Variants in CYP2R1 observed in about 807,000 individuals in gnomAD.
CYP2R1 encodes the protein cytochrome P450 family 2 subfamily R member 1, also known as vitamin D 25-hydroxylase.
A neutral mutation model predicts 45.7 loss-of-function variants in CYP2R1; 40 were observed. That is an observed-to-expected ratio of 0.87 (90% CI 0.68 to 1.14). CYP2R1 has a LOEUF of 1.14. Among genes scored for constraint, CYP2R1 ranks in the 50% most tolerant of loss-of-function variants. The pLI is 0.00. For synonymous variants in CYP2R1, 234 were observed against 219.3 expected, an observed-to-expected ratio of 1.07 and a Z score of -0.59; for missense variants, 605 against 602.6, an observed-to-expected ratio of 1.00 and a Z score of -0.04.
chr11:14,892,246 A>C (rs1555017524), upstream of CYP2R1: 1 of 1,570,574 alleles, frequency 6.4e-7, no homozygotes, highest in Non-Finnish European at 8.7e-7. Flanking sequence ...CAGCCCTGAG[A>C]CCCAGGCACT....
chr11:14,890,478 G>T, intron 1 of CYP2R1: 1 of 970,198 alleles, frequency 1.0e-6, no homozygotes. Flanking sequence ...AACTATTCGT[G>T]AACCATGAAA....
chr11:14,887,541 T>A, intron 1 of CYP2R1: 2 of 930,818 alleles, frequency 2.1e-6, no homozygotes, highest in Non-Finnish European at 2.6e-6. Flanking sequence ...ATATATTCTT[T>A]GATTTATTCA....
intron 1 of CYP2R1, 57 bp downstream of exon 1, chr11:14,891,924 T>TG (rs1848872734): frequency 6.3e-7 from 1 of 1,575,610 alleles, no homozygotes; most frequent in Admixed American, 1.8e-5. Context: ...AGGAAGGCCC[T>TG]GGCCAGCCCG....
Position 14,885,929 on chromosome 11 carries a change from G to A in CYP2R1, c.226-12C>T, listed in dbSNP as rs1848601149. ...TCTAAACTGAAGATCTTTGAGAAGA[G>A]AAGAAAAACAACATTTAAATGACAG... On this transcript the variant is annotated splice_polypyrimidine_tract_variant and intron_variant, in intron 1 of 4. Coordinates refer to ENST00000334636, the MANE Select transcript of CYP2R1 (RefSeq NM_024514.5). The A allele has an allele frequency of 1.9e-6, 3 of 1,612,242 alleles. No homozygotes were observed. The highest frequency in any genetic ancestry group is 2.5e-6 in the Non-Finnish European group (3 of 1,178,772).
chr11:14,884,497 A>G (rs1848528393), intron 2 of CYP2R1, among the ~76,000 whole-genome samples: 1 of 135,204 alleles, frequency 7.4e-6, no homozygotes, highest in African/African-American at 2.8e-5. Context: ...ACACATGGAC[A>G]CAGGAAGGGG....
In CYP2R1 at chr11:14,880,363, G is replaced by A. The variant is rs1555011620; in HGVS notation, c.773C>T (p.Ser258Phe). The A allele has an allele frequency of 1.9e-6, 3 of 1,613,252 alleles. No individual in the cohort carries two copies. The highest frequency in any genetic ancestry group is 2.7e-5 in the African/African-American group (2 of 74,876). ...GACTGAAGCTTTTTCAATGAGTCTG[G>A]AGAGAAAATCATAGACTACAGCTGC... ...RNAAVVYDFL[S>F]RLIEKASVNR... The change falls in exon 3 of 5, where the codon TCC becomes TTC. Residue 258 changes from serine (S) to phenylalanine (F), a missense_variant. Transcript: ENST00000334636.
chr11:14,891,331 G>A (rs1434922936), intron 1 of CYP2R1: 2 of 985,314 alleles, frequency 2.0e-6, no homozygotes, highest in South Asian at 4.7e-5. Flanking sequence ...TATCTGCTAA[G>A]GTGCCGTTCC....
At chr11:14,880,074 C>G in intron 3 of CYP2R1, 62 bp downstream of exon 3, 2 of 1,576,812 alleles carry the variant, frequency 1.3e-6, no homozygotes, top group East Asian at 4.5e-5. Flanking sequence ...GGCCAAGACT[C>G]AAAAACATGT....
intron 3 of CYP2R1, among the ~76,000 whole-genome samples, 168 bp downstream of exon 3, chr11:14,879,968 T>C (rs1848311630): frequency 6.6e-6 from 1 of 152,034 alleles, no homozygotes; most frequent in Admixed American, 6.6e-5. Context: ...TTACATGAAT[T>C]GAGATAATAG....
intron 4 of CYP2R1, among the ~76,000 whole-genome samples, chr11:14,878,543 C>T (rs550205093): frequency 2.0e-5 from 3 of 152,218 alleles, no homozygotes; most frequent in Admixed American, 2.0e-4. Context: ...TCTCCCACTT[C>T]CCTCCTATGC....
At chr11:14,886,008 C>T (rs781829367) in intron 1 of CYP2R1, 91 bp from the exon 2 acceptor site, 1 of 1,293,166 alleles carries the variant, frequency 7.7e-7, no homozygotes, top group Non-Finnish European at 1.1e-6. Flanking sequence ...TGCGGCTCTT[C>T]CAGGATTTGT....
intron 1 of CYP2R1, chr11:14,891,625 C>G: frequency 9.2e-7 from 1 of 1,089,716 alleles, no homozygotes; most frequent in South Asian, 2.8e-5. Flanking sequence ...AAGACGCCCG[C>G]ACCTGAGGGC....
intron 1 of CYP2R1, chr11:14,887,604 A>G (rs1304026726): frequency 1.0e-6 from 1 of 985,404 alleles, no homozygotes; most frequent in Non-Finnish European, 1.2e-6. Flanking sequence ...AGATGTAAAC[A>G]GGAATACACA....
In CYP2R1 at chr11:14,879,214, A is replaced by C; in HGVS notation, c.1230T>G (p.Asp410Glu). 6.2e-7 allele frequency: 1 copy of C among 1,613,322 alleles called. No homozygotes were observed. The highest frequency in any genetic ancestry group is 8.5e-7 in the Non-Finnish European group (1 of 1,179,532). The part of the protein sequence containing the change: ...VITNLYSVHF[D>E]EKYWRDPEVF... Reference sequence around the variant, plus strand: ...CTTCTGGGTCTCTCCAGTACTTTTCATCAAAGTGTACAGAATAAAGATTTG... The same window carrying C: ...CTTCTGGGTCTCTCCAGTACTTTTCCTCAAAGTGTACAGAATAAAGATTTG... The change falls in exon 4 of 5, where the codon GAT (aspartate) becomes GAG (glutamate). Residue 410 changes from aspartate (D) to glutamate (E), a missense_variant. Coordinates refer to ENST00000334636, the MANE Select transcript of CYP2R1 (RefSeq NM_024514.5).
At chr11:14,886,215 A>G (rs1848615673) in intron 1 of CYP2R1, 1 of 371,812 alleles carries the variant, frequency 2.7e-6, no homozygotes, top group Admixed American at 4.0e-5. Context: ...TAAACAGATA[A>G]AAGACTCTGA....
Position 14,879,188 on chromosome 11 carries a change from A to G in CYP2R1, c.1256T>C (p.Val419Ala). Residue 419 changes from valine (V) to alanine (A), a missense_variant, in exon 4 of 5, where the codon GTG becomes GCG. By Grantham distance (64) the Val-to-Ala change is moderately conservative (BLOSUM62 0). Coordinates refer to ENST00000334636, the MANE Select transcript of CYP2R1 (RefSeq NM_024514.5). ...GTCCAGAAATCGCTCAGGATGGAAC[A>G]CTTCTGGGTCTCTCCAGTACTTTTC... is the stretch of plus-strand genomic sequence containing the variant. The part of the protein sequence containing the change: ...FDEKYWRDPE[V>A]FHPERFLDSS... The G allele has an allele frequency of 6.2e-7, 1 of 1,613,278 alleles. No individual in the cohort carries two copies. Among genetic ancestry groups the G allele is most frequent in the Non-Finnish European group, 8.5e-7 (1 of 1,179,512 alleles).
At chr11:14,886,345 T>C in intron 1 of CYP2R1, 1 of 175,268 alleles carries the variant, frequency 5.7e-6, no homozygotes, top group South Asian at 1.3e-4. Flanking sequence ...TCTCCTTCTA[T>C]TTCCAAGATG....
chr11:14,892,234 A>C (rs1555017502), upstream of CYP2R1: 1 of 1,593,020 alleles, frequency 6.3e-7, no homozygotes, highest in South Asian at 1.1e-5. Context: ...CGAACTCCAC[A>C]GCAGCCCTGA....
Position 14,880,166 on chromosome 11 carries a change from G to C in CYP2R1, c.970C>G (p.Leu324Val), listed in dbSNP as rs552653924. 1 of 1,612,742 alleles carries C rather than the reference G, an allele frequency of 6.2e-7. No individual in the cohort carries two copies. Among genetic ancestry groups the C allele is most frequent in the Non-Finnish European group, 8.5e-7 (1 of 1,179,212 alleles). ...TTTNVLRWAI[L>V]FMALYPNIQG... is the part of the protein sequence containing the mutation. ...ATATTAGGATAAAGGGCCATGAAAA[G>C]AATCGCCCACCGTAGCACATTGGTT... is the stretch of plus-strand genomic sequence containing the variant. Residue 324 changes from leucine (L) to valine (V), a missense_variant, in exon 3 of 5, where the codon CTT (leucine) becomes GTT (valine). Leu to Val is a conservative substitution (Grantham distance 32). Coordinates refer to ENST00000334636, the MANE Select transcript of CYP2R1 (RefSeq NM_024514.5).
Sources: gnomAD v4.1 joint callset for allele counts (sites outside exome capture counted in the v4.1 genomes callset) on GRCh38, gnomAD v4.1.1 for gene constraint, MANE v1.5 for transcripts, NCBI Gene and HGNC (gene_info 2026-07-23, HGNC 2026-07-21) for gene names.